ARL3: variants seen among roughly 807,000 people sequenced by gnomAD.
ARL3 encodes the protein ARF like GTPase 3, also known as ADP-ribosylation factor-like protein 3.
ARL3 carries 9 observed loss-of-function variants against 26.0 expected under a neutral mutation model. That is an observed-to-expected ratio of 0.35 (90% CI 0.21 to 0.60). The LOEUF (loss-of-function observed/expected upper bound fraction) is 0.60, where lower values mean the gene tolerates loss of function less well. Among genes scored for constraint, ARL3 ranks in the 20% least tolerant of loss-of-function variants. The probability of loss-of-function intolerance (pLI) is 0.78; values close to 1 mark genes in which losing one functional copy is unlikely to be tolerated. For synonymous variants in ARL3, 71 were observed against 78.4 expected (o/e 0.91, Z 0.50); for missense variants, 158 against 215.7 (o/e 0.73, Z 1.67).
At chr10:102,697,019 G>T (rs928277250) in intron 3 of ARL3, among the ~76,000 whole-genome samples, 41 of 152,276 alleles carry the variant, frequency 2.7e-4, no homozygotes, top group African/African-American at 9.6e-4. Flanking sequence ...GTATGGCATA[G>T]CCTATTGCCC....
At chr10:102,709,682 GT>G (rs1187535511) in intron 1 of ARL3, among the ~76,000 whole-genome samples, 12 of 147,660 alleles carry the variant, frequency 8.1e-5, no homozygotes, top group Non-Finnish European at 1.8e-4. Context: ...CAAACATAAT[GT>G]TTATTCACCT....
At chr10:102,696,510 C>T (rs184362081) in intron 3 of ARL3, among the ~76,000 whole-genome samples, 83 of 151,924 alleles carry the variant, frequency 5.5e-4, no homozygotes, top group Non-Finnish European at 1.0e-3. Flanking sequence ...GTGATCCACC[C>T]GCCTCAGCCT....
intron 1 of ARL3, among the ~76,000 whole-genome samples, chr10:102,706,434 G>C (rs1245276652): frequency 6.6e-6 from 1 of 151,828 alleles, no homozygotes; most frequent in African/African-American, 2.4e-5. Flanking sequence ...CTGGGTGACA[G>C]AGCAAGACTC....
chr10:102,709,479 CA>C (rs11290496), intron 1 of ARL3, among the ~76,000 whole-genome samples: 107,756 of 114,356 alleles, frequency 0.94, 50,847 homozygotes, highest in East Asian at 0.99. Context: ...ATATCCCTAC[CA>C]AAAAAAAAAA....
chr10:102,678,604 C>T (rs946719247), intron 5 of ARL3, among the ~76,000 whole-genome samples: 5 of 152,240 alleles, frequency 3.3e-5, no homozygotes, highest in Non-Finnish European at 7.3e-5. Flanking sequence ...CGGAGGCTCG[C>T]ACTCAAACCA....
intron 3 of ARL3, among the ~76,000 whole-genome samples, chr10:102,690,505 C>T (rs190674374): frequency 1.1e-4 from 16 of 151,974 alleles, no homozygotes; most frequent in Non-Finnish European, 2.1e-4. Flanking sequence ...AGGCTGGTCT[C>T]GAACTCCTGA....
At chr10:102,686,891 T>TTC in intron 4 of ARL3, among the ~76,000 whole-genome samples, 1 of 34,560 alleles carries the variant, frequency 2.9e-5, no homozygotes, top group South Asian at 9.2e-4. Flanking sequence ...TTTTTTTTTT[T>TTC]TTTGAGACGA....
At chr10:102,686,071 C>CTT (rs762594294) in intron 4 of ARL3, 70 bp from the exon 5 acceptor site, 6,209 of 867,342 alleles carry the variant, frequency 7.2e-3, no homozygotes, top group Middle Eastern at 8.5e-3. Flanking sequence ...CCATACACTA[C>CTT]TTTTTTTTTT....
chr10:102,680,608 T>C (rs184594442), intron 5 of ARL3, among the ~76,000 whole-genome samples: 20 of 152,342 alleles, frequency 1.3e-4, no homozygotes, highest in Admixed American at 1.3e-3. Context: ...GCACTGCTTC[T>C]TTCCAAGGGA....
chr10:102,677,429 C>T (rs376001322), intron 5 of ARL3, among the ~76,000 whole-genome samples: 37 of 152,244 alleles, frequency 2.4e-4, no homozygotes, highest in South Asian at 1.2e-3. Flanking sequence ...GTGAGTGTTG[C>T]GAGGCACACA....
chr10:102,693,477 C>G (rs2064230744), intron 3 of ARL3, among the ~76,000 whole-genome samples: 1 of 151,922 alleles, frequency 6.6e-6, no homozygotes, highest in African/African-American at 2.4e-5. Context: ...ATATGCTTAT[C>G]TGTTTCTTTG....
In ARL3 at chr10:102,674,209, G is replaced by T. The variant is rs556011504; in HGVS notation, c.*2685C>A. 2.0e-5 allele frequency: 3 copies of T among 152,464 alleles called. 1 individual carries two copies. Among genetic ancestry groups the T allele is most frequent in the Admixed American group, 6.5e-5 (1 of 15,296 alleles). 9.4% of individuals were successfully genotyped at this position (152,464 alleles called of 1,614,324 possible). A position where few individuals can be genotyped will look rare whatever the true frequency, so the allele number is the denominator to read the frequency against. On this transcript the variant is annotated 3_prime_UTR_variant, in exon 6 of 6. Transcript: ENST00000260746. ...TGTCCTCCCAGCAGCCGTGGGAGCT[G>T]CGGACTCCTTTAACCCTGGCACATT...
chr10:102,703,323 T>C lies in ARL3; in HGVS notation c.147+2023A>G, dbSNP rs573993613. ...TTTTAGTAGAGACAGGATTTCACCA[T>C]GTTGTCCAGGATGGTCTCCATGTCC... On this transcript the variant is annotated intron_variant, in intron 2 of 5. Coordinates refer to ENST00000260746, the MANE Select transcript of ARL3 (RefSeq NM_004311.4). 5.9e-5 allele frequency among the ~76,000 whole-genome samples: 9 copies of C among 151,540 alleles called. No individual in the cohort carries two copies. In the East Asian group the frequency reaches 1.8e-3, roughly 29 times the overall value.
At chr10:102,689,809 C>G in intron 4 of ARL3, 84 bp downstream of exon 4, 4 of 830,106 alleles carry the variant, frequency 4.8e-6, no homozygotes, top group Non-Finnish European at 7.3e-6. Context: ...GCCTGGGCAA[C>G]AAGAGCAAAA....
chr10:102,676,168 C>A lies in ARL3; in HGVS notation c.*726G>T. 1.7e-5 allele frequency: 2 copies of A among 115,378 alleles called. No individual in the cohort carries two copies. The highest frequency in any genetic ancestry group is 5.8e-4 in the South Asian group (2 of 3,458). 7.1% of individuals were successfully genotyped at this position (115,378 alleles called of 1,614,324 possible). On this transcript the variant is annotated 3_prime_UTR_variant, in exon 6 of 6. Transcript: ENST00000260746. ...TCCAGATGTCATTACAGTCAAAAGTCATAAGAATTTGCTTCTCTGTGTGGC... is the reference window on the plus strand; with the variant it reads ...TCCAGATGTCATTACAGTCAAAAGTAATAAGAATTTGCTTCTCTGTGTGGC...
intron 3 of ARL3, among the ~76,000 whole-genome samples, chr10:102,696,984 A>G (rs2064251868): frequency 6.6e-6 from 1 of 152,140 alleles, no homozygotes; most frequent in Non-Finnish European, 1.5e-5. Context: ...ACACACACCT[A>G]GATGGTCTAC....
At position 102,674,098 on chromosome 10, in the gene ARL3, A is replaced by G; in HGVS notation, c.*2796T>C. Reference sequence around the variant, plus strand: ...GTGGCACAAAAATAGCCACTACTTTAGTCCAGAGGGGAATAAAGAAATTTG... The same window carrying G: ...GTGGCACAAAAATAGCCACTACTTTGGTCCAGAGGGGAATAAAGAAATTTG... On this transcript the variant is annotated 3_prime_UTR_variant, in exon 6 of 6. Transcript: ENST00000260746. 1 of 152,734 alleles carries G rather than the reference A, an allele frequency of 6.5e-6. No individual in the cohort carries two copies. 9.5% of individuals were successfully genotyped at this position (152,734 alleles called of 1,614,324 possible).
At chr10:102,693,677 TTTTA>T (rs1257060279) in intron 3 of ARL3, among the ~76,000 whole-genome samples, 3 of 152,098 alleles carry the variant, frequency 2.0e-5, no homozygotes, top group African/African-American at 7.2e-5. Flanking sequence ...AGAAGTTTTA[TTTTA>T]TTTATTTTTT....
At chr10:102,698,303 G>A (rs2064260358) in intron 3 of ARL3, among the ~76,000 whole-genome samples, 1 of 151,962 alleles carries the variant, frequency 6.6e-6, no homozygotes, top group Non-Finnish European at 1.5e-5. Context: ...CGCCTCCTGG[G>A]CTCAAGCGAT....
Sources: allele counts gnomAD v4.1 joint callset (sites outside exome capture counted in the v4.1 genomes callset), GRCh38; gene constraint gnomAD v4.1.1; transcripts MANE v1.5; gene names NCBI Gene and HGNC (gene_info 2026-07-23, HGNC 2026-07-21).